The following KYNU variants were observed in gnomAD, a reference collection of about 807,000 sequenced individuals.
KYNU encodes kynureninase.
Under a neutral mutation model 59.2 loss-of-function variants are expected in KYNU, and 54 were observed. The ratio of observed to expected loss-of-function variants is 0.91; its 90% CI spans 0.73 to 1.14. The LOEUF is 1.14. KYNU is among the 50% of genes most tolerant of loss of function. KYNU has a pLI of 0.00. For synonymous variants in KYNU, 177 were observed against 192.0 expected, an observed-to-expected ratio of 0.92 and a Z score of 0.65; for missense variants, 567 against 554.4, an observed-to-expected ratio of 1.02 and a Z score of -0.23.
At chr2:142,958,754 A>C (rs1684247719) in intron 7 of KYNU, among the ~76,000 whole-genome samples, 1 of 152,222 alleles carries the variant, frequency 6.6e-6, no homozygotes, top group Non-Finnish European at 1.5e-5. Context: ...ACCTAGAACA[A>C]GTCAACATGA....
At chr2:142,989,956 A>C (rs1465755132) in intron 10 of KYNU, 1 of 151,846 alleles carries the variant, frequency 6.6e-6, no homozygotes. Flanking sequence ...TTTTGTTTAA[A>C]TATGCATTTT....
intron 10 of KYNU, among the ~76,000 whole-genome samples, chr2:143,003,469 G>A (rs111293435): frequency 7.2e-5 from 11 of 152,142 alleles, no homozygotes; most frequent in East Asian, 3.9e-4. Context: ...TATAATCCCC[G>A]CTATTCAGGA....
chr2:142,999,795 G>A (rs1359668102), intron 10 of KYNU, among the ~76,000 whole-genome samples: 1 of 151,992 alleles, frequency 6.6e-6, no homozygotes, highest in East Asian at 1.9e-4. Flanking sequence ...TATTTCACAA[G>A]GGGTATGGGT....
chr2:143,028,129 A>C (rs1043388533), intron 10 of KYNU, among the ~76,000 whole-genome samples: 13 of 151,736 alleles, frequency 8.6e-5, no homozygotes, highest in South Asian at 4.2e-4. Context: ...TCTCTTTCTA[A>C]ATTTTTTATA....
chr2:143,027,733 A>C (rs894801545), intron 10 of KYNU, among the ~76,000 whole-genome samples: 13 of 152,144 alleles, frequency 8.5e-5, no homozygotes, highest in African/African-American at 1.7e-4. Context: ...TTATACTTAG[A>C]AATTTCTGTT....
At chr2:142,987,495 A>C (rs1397999503) in intron 10 of KYNU, among the ~76,000 whole-genome samples, 3 of 151,934 alleles carry the variant, frequency 2.0e-5, no homozygotes, top group Non-Finnish European at 4.4e-5. Flanking sequence ...GAATTTCAAA[A>C]TCTTCTAGAC....
At chr2:142,998,576 A>G (rs1022997245) in intron 10 of KYNU, among the ~76,000 whole-genome samples, 10 of 152,330 alleles carry the variant, frequency 6.6e-5, no homozygotes, top group Admixed American at 2.0e-4. Context: ...GATGAGTGAT[A>G]TGCTTACTCA....
Position 142,974,743 on chromosome 2 carries a change from A to C in KYNU, c.730-10341A>C, listed in dbSNP as rs139276520. The stretch of plus-strand genomic sequence containing the variant: ...TCTTGTGAAATAAACATAGCTCAAG[A>C]AGGCCTATACAAATTGTGATAGCTT... On this transcript the variant is annotated intron_variant, in intron 8 of 13. Coordinates refer to ENST00000264170, the MANE Select transcript of KYNU (RefSeq NM_003937.3). Among the ~76,000 whole-genome samples, 689 of 152,302 alleles carry C rather than the reference A, an allele frequency of 4.5e-3. 11 individuals are homozygous for C. The highest frequency in any genetic ancestry group is 0.016 in the African/African-American group (663 of 41,566).
chr2:142,905,247 C>T (rs1007380958), intron 2 of KYNU, among the ~76,000 whole-genome samples: 30 of 152,050 alleles, frequency 2.0e-4, no homozygotes, highest in African/African-American at 1.9e-4. Flanking sequence ...CTTTTTCCTA[C>T]GAGGAGAGCA....
intron 2 of KYNU, among the ~76,000 whole-genome samples, chr2:142,899,472 C>G (rs2104941885): frequency 6.6e-6 from 1 of 152,256 alleles, no homozygotes. Flanking sequence ...CCTAGAAAAT[C>G]CAGCTAGTCC....
intron 2 of KYNU, among the ~76,000 whole-genome samples, chr2:142,914,990 C>T (rs1196559885): frequency 6.6e-6 from 1 of 152,156 alleles, no homozygotes; most frequent in African/African-American, 2.4e-5. Flanking sequence ...TCTGGAGCTG[C>T]TTTAAAAGAA....
At chr2:142,958,443 T>C (rs550604359) in intron 7 of KYNU, among the ~76,000 whole-genome samples, 13 of 152,194 alleles carry the variant, frequency 8.5e-5, no homozygotes, top group Admixed American at 1.3e-4. Context: ...AGTCGAATCA[T>C]ACAGAATAAA....
intron 10 of KYNU, among the ~76,000 whole-genome samples, chr2:143,006,281 A>G (rs1339211681): frequency 6.6e-6 from 1 of 151,900 alleles, no homozygotes; most frequent in Admixed American, 6.5e-5. Flanking sequence ...TTCCGAGTCA[A>G]AGAAAGGGGT....
intron 4 of KYNU, 117 bp from the exon 5 acceptor site, chr2:142,954,693 A>T (rs1455683484): frequency 5.6e-6 from 4 of 708,410 alleles, no homozygotes; most frequent in Non-Finnish European, 1.0e-5. Flanking sequence ...TGACACATCA[A>T]ATATGCCCTT....
intron 2 of KYNU, among the ~76,000 whole-genome samples, chr2:142,906,902 G>C (rs751159321): frequency 2.0e-5 from 3 of 152,156 alleles, no homozygotes; most frequent in Middle Eastern, 3.2e-3. Context: ...GTGGAAGCTG[G>C]TTCCAGGCAG....
At chr2:142,888,642 G>T (rs867742927) in intron 2 of KYNU, among the ~76,000 whole-genome samples, 1 of 151,814 alleles carries the variant, frequency 6.6e-6, no homozygotes, top group African/African-American at 2.4e-5. Context: ...GATTGTTAAG[G>T]TGAGGCCCAG....
At chr2:142,913,658 T>C (rs1682578962) in intron 2 of KYNU, among the ~76,000 whole-genome samples, 1 of 152,204 alleles carries the variant, frequency 6.6e-6, no homozygotes, top group African/African-American at 2.4e-5. Flanking sequence ...ACGAGAAGAA[T>C]GTATAATCTG....
At chr2:142,881,916 C>CTTT (rs869099302) in intron 1 of KYNU, among the ~76,000 whole-genome samples, 23 of 113,172 alleles carry the variant, frequency 2.0e-4, no homozygotes, top group Non-Finnish European at 3.0e-4. Flanking sequence ...TTTCTTTTTT[C>CTTT]TTTTTTTTTT....
Position 142,934,813 on chromosome 2 carries a change from G to A in KYNU, c.373+7072G>A, listed in dbSNP as rs573558579. On this transcript the variant is annotated intron_variant, in intron 4 of 13. Transcript: ENST00000264170. The stretch of plus-strand genomic sequence containing the variant: ...GGCCAGCTTCGGAAGGGATGGGGGC[G>A]GTCCTTGTGGGGTCCGCTGACAGTC... 5.3e-5 allele frequency among the ~76,000 whole-genome samples: 8 copies of A among 152,300 alleles called. No homozygotes were observed. The East Asian group carries it at 5.8e-4, about 11-fold the overall frequency.
Sources: allele counts gnomAD v4.1 joint callset (sites outside exome capture counted in the v4.1 genomes callset), GRCh38; gene constraint gnomAD v4.1.1; transcripts MANE v1.5; gene names NCBI Gene and HGNC (gene_info 2026-07-23, HGNC 2026-07-21).